BRWD1: variants seen among roughly 807,000 people sequenced by gnomAD.
The protein encoded by BRWD1 is bromodomain and WD repeat-containing protein 1.
BRWD1 carries 82 observed loss-of-function variants against 251.2 expected under a neutral mutation model. The observed-to-expected ratio is 0.33, with a 90% CI of 0.27 to 0.39. The LOEUF (loss-of-function observed/expected upper bound fraction) is 0.39, where lower values mean the gene tolerates loss of function less well. Among genes scored for constraint, BRWD1 ranks in the 10% least tolerant of loss-of-function variants. The pLI is 1.00. For synonymous variants in BRWD1, 918 were observed against 902.8 expected (o/e 1.02, Z -0.30); for missense variants, 2,233 against 2,711.6 (o/e 0.82, Z 3.92).
intron 18 of BRWD1, among the ~76,000 whole-genome samples, chr21:39,256,087 G>A (rs2034554419): frequency 1.3e-5 from 2 of 152,152 alleles, no homozygotes; most frequent in Non-Finnish European, 2.9e-5. Flanking sequence ...CCAAAGTGCT[G>A]GGATTATAGG....
At chr21:39,258,368 T>C (rs2034629114) in intron 18 of BRWD1, 119 bp downstream of exon 18, 1 of 880,772 alleles carries the variant, frequency 1.1e-6, no homozygotes, top group South Asian at 2.6e-5. Flanking sequence ...ACTAATTAAG[T>C]TGTAAAAATA....
chr21:39,274,359 A>G lies in BRWD1; in HGVS notation c.1244+15T>C. 6.3e-7 allele frequency: 1 copy of G among 1,595,898 alleles called. No homozygotes were observed. The highest frequency in any genetic ancestry group is 8.6e-7 in the Non-Finnish European group (1 of 1,163,598). On this transcript the variant is annotated intron_variant, in intron 13 of 40. Transcript: ENST00000342449. ...AACACCTATGATGCACCTACTTCTA[A>G]CAATCTCAACTTACCCTGAGATTCT...
intron 38 of BRWD1, 132 bp downstream of exon 38, chr21:39,202,193 C>G (rs2032142922): frequency 1.7e-6 from 1 of 592,728 alleles, no homozygotes; most frequent in Non-Finnish European, 2.9e-6. Context: ...TTATGTTTAT[C>G]TCTTCCATTA....
intron 4 of BRWD1, among the ~76,000 whole-genome samples, chr21:39,309,593 G>C (rs970545677): frequency 6.6e-5 from 10 of 152,034 alleles, no homozygotes; most frequent in Middle Eastern, 3.4e-3. Flanking sequence ...GGGAGGCAGA[G>C]GCAGGCGGAT....
intron 7 of BRWD1, among the ~76,000 whole-genome samples, chr21:39,295,103 A>AT (rs2035919298): frequency 6.6e-6 from 1 of 150,446 alleles, no homozygotes; most frequent in South Asian, 2.1e-4. Flanking sequence ...GTTAATACAT[A>AT]TATTTAATTA....
intron 4 of BRWD1, among the ~76,000 whole-genome samples, chr21:39,310,603 C>CT (rs1555879723): frequency 1.3e-5 from 2 of 149,580 alleles, no homozygotes; most frequent in Non-Finnish European, 3.0e-5. Flanking sequence ...CAGACTGTCT[C>CT]AAAAAAAAAA....
At chr21:39,247,291 C>T (rs2034228459) in intron 21 of BRWD1, among the ~76,000 whole-genome samples, 1 of 152,148 alleles carries the variant, frequency 6.6e-6, no homozygotes, top group Non-Finnish European at 1.5e-5. Flanking sequence ...AGGTTATATA[C>T]CCCTTATCCA....
chr21:39,221,706 C>T (rs959151760), intron 29 of BRWD1, among the ~76,000 whole-genome samples: 1 of 152,134 alleles, frequency 6.6e-6, no homozygotes, highest in Non-Finnish European at 1.5e-5. Flanking sequence ...GAGGCCAACG[C>T]AGGCATATCA....
At chr21:39,282,233 A>G (rs962999698) in intron 8 of BRWD1, among the ~76,000 whole-genome samples, 1 of 152,144 alleles carries the variant, frequency 6.6e-6, no homozygotes, top group African/African-American at 2.4e-5. Flanking sequence ...ACAGAGTGAG[A>G]CTCTGTCTCA....
intron 7 of BRWD1, among the ~76,000 whole-genome samples, chr21:39,295,175 GTTTTTTTTTTTTTT>G (rs869129436): frequency 4.6e-5 from 3 of 64,670 alleles, no homozygotes; most frequent in African/African-American, 1.0e-4. Context: ...GTATGTCTAT[GTTTTTTTTTTTTTT>G]TTTTTTTTTT....
upstream of BRWD1, chr21:39,313,902 G>A (rs1601526979): frequency 6.3e-6 from 2 of 319,534 alleles, no homozygotes; most frequent in South Asian, 2.3e-5. Flanking sequence ...CGGGCTTTGT[G>A]AGGCGGCAGC....
At chr21:39,313,716 C>A, upstream of BRWD1, 1 of 387,334 alleles carries the variant, frequency 2.6e-6, no homozygotes, top group Non-Finnish European at 4.6e-6. Context: ...GGGTTTGCGC[C>A]AAGAGAGGAC....
chr21:39,211,811 C>G (rs905870904), intron 34 of BRWD1, among the ~76,000 whole-genome samples: 1 of 152,104 alleles, frequency 6.6e-6, no homozygotes, highest in Non-Finnish European at 1.5e-5. Context: ...AAGGCAAGCA[C>G]ATGGTATAAA....
chr21:39,252,186 C>G (rs1480771404), intron 19 of BRWD1, among the ~76,000 whole-genome samples: 1 of 147,928 alleles, frequency 6.8e-6, no homozygotes, highest in Non-Finnish European at 1.5e-5. Flanking sequence ...GAGGTGGAGG[C>G]TGAAGTGAGC....
chr21:39,223,241 GA>G (rs1469558940), intron 29 of BRWD1, among the ~76,000 whole-genome samples: 1 of 152,084 alleles, frequency 6.6e-6, no homozygotes, highest in Non-Finnish European at 1.5e-5. Context: ...TAGGTATTCA[GA>G]AAATCCTTGT....
intron 27 of BRWD1, among the ~76,000 whole-genome samples, chr21:39,225,620 G>T (rs2033351691): frequency 6.6e-6 from 1 of 152,006 alleles, no homozygotes; most frequent in Admixed American, 6.6e-5. Context: ...AAGTTTTATA[G>T]AAATAATCAA....
intron 1 of BRWD1, among the ~76,000 whole-genome samples, chr21:39,319,218 A>G (rs946388738): frequency 1.3e-5 from 2 of 152,164 alleles, no homozygotes; most frequent in African/African-American, 2.4e-5. Context: ...TCTTCCTTTT[A>G]AGTCTAACCC....
intron 34 of BRWD1, 136 bp from the exon 35 acceptor site, chr21:39,211,065 T>C: frequency 1.1e-6 from 1 of 906,540 alleles, no homozygotes; most frequent in South Asian, 2.0e-5. Context: ...TTTCCAGAAA[T>C]GAAATTTTTA....
chr21:39,187,904 G>C lies in BRWD1; in HGVS notation c.*8355C>G, dbSNP rs987356423. ...AACCTAGCCTAAGGGATCAAGGAAG[G>C]CTTCCTTTAAGGAAGCTTTTAGACG... is the stretch of plus-strand genomic sequence containing the variant. On this transcript the variant is annotated 3_prime_UTR_variant, in exon 41 of 41. Coordinates refer to ENST00000342449, the MANE Select transcript of BRWD1 (RefSeq NM_033656.4). 3.1e-6 allele frequency: 3 copies of C among 979,588 alleles called. No individual in the cohort carries two copies. Among genetic ancestry groups the C allele is most frequent in the East Asian group, 1.1e-4 (1 of 8,784 alleles). The allele number at this position is 979,588 out of a possible 1,614,324, so 60.7% of individuals were successfully genotyped here. A position where few individuals can be genotyped will look rare whatever the true frequency, so the allele number is the denominator to read the frequency against.
Sources: allele counts gnomAD v4.1 joint callset (sites outside exome capture counted in the v4.1 genomes callset), GRCh38; gene constraint gnomAD v4.1.1; transcripts MANE v1.5; gene names NCBI Gene and HGNC (gene_info 2026-07-23, HGNC 2026-07-21).